NRG1: variants seen among roughly 807,000 people sequenced by gnomAD.
NRG1 encodes the protein neuregulin 1.
A neutral mutation model predicts 63.8 loss-of-function variants in NRG1; 18 were observed. The observed-to-expected ratio is 0.28, with a 90% CI of 0.19 to 0.42. The LOEUF is 0.42. NRG1 is among the 10% of genes least tolerant of loss of function. The probability of loss-of-function intolerance (pLI) is 1.00; values close to 1 mark genes in which losing one functional copy is unlikely to be tolerated. For missense variants in NRG1, 762 were observed against 814.7 expected (o/e 0.94, Z 0.79); for synonymous variants, 302 against 301.3 (o/e 1.00, Z -0.02).
chr8:32,193,847 A>G (rs1738348483), intron 1 of NRG1, among the ~76,000 whole-genome samples: 1 of 152,338 alleles, frequency 6.6e-6, no homozygotes, highest in Admixed American at 6.5e-5. Flanking sequence ...ACAGGGAAGA[A>G]TGCCATGTGA....
chr8:32,469,708 A>C (rs1316947769), intron 1 of NRG1, among the ~76,000 whole-genome samples: 1 of 152,242 alleles, frequency 6.6e-6, no homozygotes, highest in South Asian at 2.1e-4. Context: ...GAGACCCTCA[A>C]GATTCTAATC....
At chr8:31,792,080 G>C (rs1007261303) in intron 1 of NRG1, among the ~76,000 whole-genome samples, 1 of 152,066 alleles carries the variant, frequency 6.6e-6, no homozygotes, top group African/African-American at 2.4e-5. Context: ...GGAGAAAACT[G>C]ACCTGGAACT....
intron 1 of NRG1, among the ~76,000 whole-genome samples, chr8:32,423,426 T>C (rs1816939135): frequency 6.6e-6 from 1 of 152,186 alleles, no homozygotes; most frequent in African/African-American, 2.4e-5. Context: ...AGCAGGATCC[T>C]AATATTAAAG....
chr8:32,252,521 T>A (rs547048550), intron 1 of NRG1, among the ~76,000 whole-genome samples: 1 of 152,322 alleles, frequency 6.6e-6, no homozygotes, highest in African/African-American at 2.4e-5. Context: ...GTGGCATTAT[T>A]TCTGAGGCCT....
chr8:32,387,239 A>G lies in NRG1; in HGVS notation c.38-208589A>G, dbSNP rs146433874. The stretch of plus-strand genomic sequence containing the variant: ...CTTCTGACAAGGTAGTACACAGTTC[A>G]TCACTTTATTGACAAGATTTATTGA... On this transcript the variant is annotated intron_variant, in intron 1 of 10. Coordinates refer to the NRG1 transcript ENST00000519301. Among the ~76,000 whole-genome samples, 484 of 152,358 alleles carry G rather than the reference A, an allele frequency of 3.2e-3. 3 individuals carry two copies. Among genetic ancestry groups the G allele is most frequent in the African/African-American group, 0.011 (464 of 41,586 alleles).
At chr8:32,173,430 C>A (rs897472537) in intron 1 of NRG1, among the ~76,000 whole-genome samples, 155 of 151,960 alleles carry the variant, frequency 1.0e-3, no homozygotes, top group African/African-American at 3.6e-3. Context: ...AAACTGCATC[C>A]ACTAACGAGC....
rs919721005 is a variant in NRG1, at chr8:32,228,135, T to G, written c.38-367693T>G. ...TGGATTTCTCCATTATGATTGGCAG[T>G]ATTTATACAATAATTTCTTGGTATT... On this transcript the variant is annotated intron_variant, in intron 1 of 10. Transcript: ENST00000519301. Among the ~76,000 whole-genome samples the G allele has an allele frequency of 5.9e-5, 9 of 152,334 alleles. No individual in the cohort carries two copies. In the East Asian group the frequency reaches 1.2e-3, roughly 20 times the overall value.
intron 1 of NRG1, among the ~76,000 whole-genome samples, chr8:31,753,770 C>T (rs1816708357): frequency 6.6e-6 from 1 of 152,038 alleles, no homozygotes; most frequent in Admixed American, 6.6e-5. Flanking sequence ...CTTCTTGCCT[C>T]CCTGACTCAA....
At chr8:31,839,255 C>G (rs1037552975) in intron 1 of NRG1, among the ~76,000 whole-genome samples, 1 of 152,120 alleles carries the variant, frequency 6.6e-6, no homozygotes, top group South Asian at 2.1e-4. Flanking sequence ...TATAAAAACC[C>G]CAGTGGTCCC....
chr8:32,061,008 T>C (rs1448792441), intron 1 of NRG1, among the ~76,000 whole-genome samples: 2 of 151,976 alleles, frequency 1.3e-5, no homozygotes. Flanking sequence ...GCACACCCTT[T>C]CTTGGTTATT....
chr8:32,403,248 C>T (rs112925822), intron 1 of NRG1, among the ~76,000 whole-genome samples: 13,181 of 148,074 alleles, frequency 0.089, 766 homozygotes, highest in South Asian at 0.18. Flanking sequence ...TGCAGTGAGC[C>T]GAGATCATGC....
intron 1 of NRG1, among the ~76,000 whole-genome samples, chr8:32,132,980 T>C (rs1835041609): frequency 1.3e-5 from 2 of 152,002 alleles, no homozygotes. Context: ...TCTTCCTTTC[T>C]TCTTTCCTTC....
At chr8:32,363,853 G>A (rs567183513) in intron 1 of NRG1, among the ~76,000 whole-genome samples, 1 of 152,178 alleles carries the variant, frequency 6.6e-6, no homozygotes, top group African/African-American at 2.4e-5. Context: ...GGATTGGGAG[G>A]AGTTATTTAC....
At chr8:32,145,006 C>T (rs1935898741) in intron 1 of NRG1, among the ~76,000 whole-genome samples, 6 of 152,248 alleles carry the variant, frequency 3.9e-5, no homozygotes. Context: ...TGAGGAGTTG[C>T]AGAGCAAAGC....
intron 1 of NRG1, among the ~76,000 whole-genome samples, chr8:31,852,824 A>G (rs1274209849): frequency 6.6e-6 from 1 of 152,178 alleles, no homozygotes; most frequent in African/African-American, 2.4e-5. Context: ...AGCTTTCTAC[A>G]TATGGCTAGC....
At chr8:32,244,556 G>C (rs889750332) in intron 1 of NRG1, among the ~76,000 whole-genome samples, 1 of 152,094 alleles carries the variant, frequency 6.6e-6, no homozygotes, top group African/African-American at 2.4e-5. Context: ...ATAGATATAG[G>C]GGAACAAAAA....
At chr8:32,056,673 C>T (rs1822997751) in intron 1 of NRG1, among the ~76,000 whole-genome samples, 1 of 152,148 alleles carries the variant, frequency 6.6e-6, no homozygotes, top group Admixed American at 6.5e-5. Flanking sequence ...CAACTCACTG[C>T]AGTCCTTGGC....
intron 1 of NRG1, among the ~76,000 whole-genome samples, chr8:32,308,559 C>G (rs1487153): frequency 0.83 from 125,810 of 152,114 alleles, 52,114 homozygotes; most frequent in African/African-American, 0.87. Flanking sequence ...TCTTTTACCT[C>G]TCTAAACCCA....
chr8:32,441,109 G>C (rs955842325), intron 1 of NRG1: 3 of 152,066 alleles, frequency 2.0e-5, no homozygotes, highest in African/African-American at 7.2e-5. Context: ...TTAGATATTG[G>C]TATTAAATAT....
Sources: allele counts gnomAD v4.1 joint callset (sites outside exome capture counted in the v4.1 genomes callset), GRCh38; gene constraint gnomAD v4.1.1; transcripts MANE v1.5; gene names NCBI Gene and HGNC (gene_info 2026-07-23, HGNC 2026-07-21).